The following MAPK10 variants were observed in gnomAD, a reference collection of about 807,000 sequenced individuals.
The protein encoded by MAPK10 is JNK3 alpha protein kinase.
A neutral mutation model predicts 59.3 loss-of-function variants in MAPK10; 25 were observed. The ratio of observed to expected loss-of-function variants is 0.42; its 90% CI spans 0.31 to 0.59. The LOEUF (loss-of-function observed/expected upper bound fraction) is 0.59. Among genes scored for constraint, MAPK10 ranks in the 20% least tolerant of loss-of-function variants. The pLI is 0.15. For synonymous variants in MAPK10, 190 were observed against 200.5 expected (o/e 0.95, Z 0.44); for missense variants, 351 against 568.9 (o/e 0.62, Z 3.90).
At chr4:86,073,304 C>T (rs1330391124) in intron 9 of MAPK10, among the ~76,000 whole-genome samples, 1 of 150,822 alleles carries the variant, frequency 6.6e-6, no homozygotes, top group African/African-American at 2.4e-5. Context: ...ATTAGTCTTG[C>T]TAGCGGTCTA....
chr4:86,487,146 G>A (rs1463953950), intron 1 of MAPK10, among the ~76,000 whole-genome samples: 2 of 152,152 alleles, frequency 1.3e-5, no homozygotes, highest in Non-Finnish European at 2.9e-5. Context: ...AGGGGAAAAT[G>A]CCATAACAGA....
chr4:86,327,114 G>A (rs1371707700), intron 2 of MAPK10: 1 of 151,030 alleles, frequency 6.6e-6, no homozygotes, highest in African/African-American at 2.4e-5. Context: ...GTGATTACAG[G>A]CATGTGCCAT....
At chr4:86,324,096 G>T (rs530537478) in intron 2 of MAPK10, among the ~76,000 whole-genome samples, 1 of 152,200 alleles carries the variant, frequency 6.6e-6, no homozygotes, top group East Asian at 1.9e-4. Flanking sequence ...TAAGAGAAGG[G>T]CATTTTATAC....
intron 9 of MAPK10, among the ~76,000 whole-genome samples, chr4:86,094,879 G>C (rs1303093408): frequency 6.6e-6 from 1 of 151,704 alleles, no homozygotes; most frequent in Non-Finnish European, 1.5e-5. Context: ...TTGAAAGTCA[G>C]CATGCGTTTA....
intron 1 of MAPK10, among the ~76,000 whole-genome samples, chr4:86,399,066 A>G (rs1164846694): frequency 6.6e-6 from 1 of 152,182 alleles, no homozygotes; most frequent in Non-Finnish European, 1.5e-5. Context: ...CAACGAACAC[A>G]CACATGCGTA....
At chr4:86,321,852 A>T (rs2095901277) in intron 2 of MAPK10, 1 of 151,964 alleles carries the variant, frequency 6.6e-6, no homozygotes, top group Non-Finnish European at 1.5e-5. Flanking sequence ...ACCTCCTTTT[A>T]AATTTTTAAA....
chr4:86,170,616 A>T (rs376380693), intron 3 of MAPK10, among the ~76,000 whole-genome samples: 38 of 151,996 alleles, frequency 2.5e-4, no homozygotes, highest in African/African-American at 7.2e-4. Context: ...CTCCCACACA[A>T]TAATAATGGG....
chr4:86,082,523 G>T (rs1579903302), intron 9 of MAPK10, among the ~76,000 whole-genome samples: 1 of 152,222 alleles, frequency 6.6e-6, no homozygotes, highest in South Asian at 2.1e-4. Context: ...GTTCAGTCAG[G>T]GTGGCGGGAA....
chr4:86,227,038 T>C (rs1490930711), intron 2 of MAPK10, among the ~76,000 whole-genome samples: 1 of 152,210 alleles, frequency 6.6e-6, no homozygotes, highest in African/African-American at 2.4e-5. Context: ...TAATAACATA[T>C]TGTGAATGTC....
intron 1 of MAPK10, among the ~76,000 whole-genome samples, chr4:86,373,803 G>A (rs537286508): frequency 5.3e-5 from 8 of 152,322 alleles, no homozygotes; most frequent in Non-Finnish European, 7.3e-5. Flanking sequence ...TTCCACTGTT[G>A]ATGGGAGTGT....
chr4:86,479,680 G>C (rs552967858), intron 1 of MAPK10, among the ~76,000 whole-genome samples: 2 of 151,968 alleles, frequency 1.3e-5, no homozygotes, highest in African/African-American at 2.4e-5. Flanking sequence ...CATCTTTGCC[G>C]GCAGGGCTAT....
In MAPK10 at chr4:86,399,529, A is replaced by G. The variant is rs369204577; in HGVS notation, c.-121-44885T>C. 3.9e-5 allele frequency among the ~76,000 whole-genome samples: 6 copies of G among 152,202 alleles called. 1 individual carries two copies. The East Asian group carries it at 1.2e-3, about 29-fold the overall frequency. ...CTCCCATTCTGTAGGTTGTCTGTTT[A>G]TTCTGTTGATCTTTCTTTTGCTGTG... is the stretch of plus-strand genomic sequence containing the variant. On this transcript the variant is annotated intron_variant, in intron 1 of 13. Transcript: ENST00000361569.
At chr4:86,572,654 G>A (rs1216458939) in intron 1 of MAPK10, among the ~76,000 whole-genome samples, 2 of 152,172 alleles carry the variant, frequency 1.3e-5, no homozygotes, top group Non-Finnish European at 2.9e-5. Flanking sequence ...AGCCGAATAT[G>A]GGACTCTTTT....
rs565460261 is a variant in MAPK10 at position 86,411,008 on chromosome 4, G to A, written c.-122+42022C>T. 2.0e-5 allele frequency among the ~76,000 whole-genome samples: 3 copies of A among 152,196 alleles called. 1 individual carries two copies. In the South Asian group the frequency reaches 6.3e-4, roughly 32 times the overall value. The stretch of plus-strand genomic sequence containing the variant: ...TTGTGATGTTAGGGTGTCAATTTTA[G>A]ATCTTTCCTGCTTTCTTTTGTGGGC... On this transcript the variant is annotated intron_variant, in intron 1 of 13. Coordinates refer to the MAPK10 transcript ENST00000361569.
intron 4 of MAPK10, among the ~76,000 whole-genome samples, chr4:86,119,256 C>T (rs188442684): frequency 1.2e-3 from 178 of 152,230 alleles, no homozygotes; most frequent in Middle Eastern, 0.01. Context: ...GAGGGCCCTA[C>T]GCACTTTTGC....
chr4:86,571,277 A>G (rs980519732), intron 1 of MAPK10, among the ~76,000 whole-genome samples: 4 of 148,688 alleles, frequency 2.7e-5, no homozygotes, highest in Non-Finnish European at 5.9e-5. Context: ...ATATATATAT[A>G]TATTACTGGA....
chr4:86,231,471 T>C (rs1266831660), intron 2 of MAPK10, among the ~76,000 whole-genome samples: 1 of 151,542 alleles, frequency 6.6e-6, no homozygotes, highest in Admixed American at 6.6e-5. Flanking sequence ...CTGGCCAACA[T>C]GATGAAACCC....
Position 86,506,254 on chromosome 4 carries a change from C to T in MAPK10, c.-263+87656G>A, listed in dbSNP as rs542488407. Among the ~76,000 whole-genome samples the T allele has an allele frequency of 2.6e-4, 39 of 152,098 alleles. 1 individual carries two copies. Among genetic ancestry groups the T allele is most frequent in the South Asian group, 8.3e-4 (4 of 4,812 alleles). The stretch of plus-strand genomic sequence containing the variant: ...TGAGGAACTGTCCTCTGAATAGGAC[C>T]ATTAAGGAGAAGAATTTTCATGAGA... On this transcript the variant is annotated intron_variant, in intron 1 of 4. Transcript: ENST00000502302.
chr4:86,545,513 G>A (rs577041980), intron 1 of MAPK10, among the ~76,000 whole-genome samples: 1 of 152,268 alleles, frequency 6.6e-6, no homozygotes, highest in African/African-American at 2.4e-5. Flanking sequence ...TAGCTTCTGA[G>A]GTTGCTTTCC....
Sources: gnomAD v4.1 joint callset for allele counts (sites outside exome capture counted in the v4.1 genomes callset) on GRCh38, gnomAD v4.1.1 for gene constraint, MANE v1.5 for transcripts, NCBI Gene and HGNC (gene_info 2026-07-23, HGNC 2026-07-21) for gene names.